MSRA: variants seen among roughly 807,000 people sequenced by gnomAD.
MSRA encodes mitochondrial peptide methionine sulfoxide reductase.
In MSRA, 54 loss-of-function variants were observed where a neutral mutation model predicts 31.3. That is an observed-to-expected ratio of 1.73 (90% CI 1.39 to 2.17). The LOEUF is 2.17. Ranked by LOEUF, MSRA falls within the 30% of genes most tolerant of loss-of-function variation. The pLI is 0.00. For synonymous variants in MSRA, 169 were observed against 116.5 expected, an observed-to-expected ratio of 1.45 and a Z score of -2.90; for missense variants, 507 against 300.9, an observed-to-expected ratio of 1.69 and a Z score of -5.07.
chr8:10,265,133 A>G (rs1798679092), intron 3 of MSRA, among the ~76,000 whole-genome samples: 1 of 152,232 alleles, frequency 6.6e-6, no homozygotes, highest in African/African-American at 2.4e-5. Context: ...GTGTTTTACC[A>G]AATTATGTCC....
At chr8:10,093,838 T>A (rs571457246) in intron 1 of MSRA, among the ~76,000 whole-genome samples, 1 of 152,340 alleles carries the variant, frequency 6.6e-6, no homozygotes, top group Non-Finnish European at 1.5e-5. Context: ...ATTTGGAATG[T>A]CTTAATGTCT....
At chr8:10,156,370 C>G (rs1428828693) in intron 1 of MSRA, among the ~76,000 whole-genome samples, 1 of 151,970 alleles carries the variant, frequency 6.6e-6, no homozygotes, top group Non-Finnish European at 1.5e-5. Flanking sequence ...TTTTGGATTA[C>G]TTAGGGTGAA....
intron 5 of MSRA, among the ~76,000 whole-genome samples, chr8:10,415,172 C>T (rs771686607): frequency 6.6e-6 from 1 of 152,186 alleles, no homozygotes. Flanking sequence ...CAGGAGGGTG[C>T]AGCTTAGACC....
chr8:10,427,283 C>G (rs1403164659), intron 5 of MSRA, among the ~76,000 whole-genome samples: 1 of 152,328 alleles, frequency 6.6e-6, no homozygotes, highest in East Asian at 1.9e-4. Context: ...TAGGGCACAG[C>G]TGAAATCCAA....
intron 2 of MSRA, among the ~76,000 whole-genome samples, chr8:10,230,811 T>G (rs2129072935): frequency 6.6e-6 from 1 of 152,158 alleles, no homozygotes; most frequent in East Asian, 1.9e-4. Context: ...TGAGATGGAG[T>G]TTTGCTCTCG....
chr8:10,268,516 A>G (rs1265374386), intron 3 of MSRA, among the ~76,000 whole-genome samples: 2 of 152,200 alleles, frequency 1.3e-5, no homozygotes, highest in Non-Finnish European at 2.9e-5. Flanking sequence ...GACACTAATG[A>G]TTTGTTTCCC....
At chr8:10,198,679 A>G (rs899346728) in intron 1 of MSRA, among the ~76,000 whole-genome samples, 2 of 152,176 alleles carry the variant, frequency 1.3e-5, no homozygotes, top group African/African-American at 2.4e-5. Context: ...GCTGGAGTGC[A>G]ATGGGACAGT....
chr8:10,241,564 A>G (rs981520892), intron 2 of MSRA, among the ~76,000 whole-genome samples: 6 of 152,336 alleles, frequency 3.9e-5, no homozygotes, highest in Middle Eastern at 3.4e-3. Flanking sequence ...ACTGAGTAAC[A>G]AAGTAGTAGC....
At chr8:10,404,825 C>T (rs1014915645) in intron 5 of MSRA, among the ~76,000 whole-genome samples, 1 of 152,178 alleles carries the variant, frequency 6.6e-6, no homozygotes, top group African/African-American at 2.4e-5. Flanking sequence ...GCCGCCAGAC[C>T]ATGGATGTGG....
chr8:10,109,712 A>C (rs1381886430), intron 1 of MSRA, among the ~76,000 whole-genome samples: 1 of 152,200 alleles, frequency 6.6e-6, no homozygotes, highest in African/African-American at 2.4e-5. Context: ...GTTTTTGAAG[A>C]AACTTTATTT....
chr8:10,159,086 C>T (rs904024305), intron 1 of MSRA, among the ~76,000 whole-genome samples: 2 of 152,148 alleles, frequency 1.3e-5, no homozygotes, highest in African/African-American at 2.4e-5. Flanking sequence ...TTACCAGATA[C>T]CAGATGATGG....
At chr8:10,070,810 C>G (rs906316438) in intron 1 of MSRA, among the ~76,000 whole-genome samples, 1 of 152,176 alleles carries the variant, frequency 6.6e-6, no homozygotes, top group South Asian at 2.1e-4. Context: ...GAGATTCACC[C>G]CAGTTGGTTA....
intron 1 of MSRA, among the ~76,000 whole-genome samples, chr8:10,122,920 T>A (rs1243840934): frequency 6.6e-6 from 1 of 152,262 alleles, no homozygotes; most frequent in Non-Finnish European, 1.5e-5. Flanking sequence ...CCACATTTTC[T>A]TTTTACATTC....
chr8:10,128,945 C>G (rs1233709395), intron 1 of MSRA, among the ~76,000 whole-genome samples: 1 of 152,194 alleles, frequency 6.6e-6, no homozygotes, highest in Non-Finnish European at 1.5e-5. Flanking sequence ...TAAACTTGTA[C>G]ATGCCTTTAC....
At chr8:10,386,973 A>T (rs1276964261) in intron 5 of MSRA, among the ~76,000 whole-genome samples, 1 of 152,050 alleles carries the variant, frequency 6.6e-6, no homozygotes, top group African/African-American at 2.4e-5. Flanking sequence ...AGTGCCTGTC[A>T]AATATTGATG....
chr8:10,250,023 T>G (rs763755332), intron 3 of MSRA, among the ~76,000 whole-genome samples: 1 of 152,220 alleles, frequency 6.6e-6, no homozygotes, highest in Non-Finnish European at 1.5e-5. Flanking sequence ...CTAGTTCCTG[T>G]CTTCCAGAAT....
At chr8:10,169,093 T>G (rs1016964181) in intron 1 of MSRA, among the ~76,000 whole-genome samples, 1 of 152,218 alleles carries the variant, frequency 6.6e-6, no homozygotes, top group African/African-American at 2.4e-5. Context: ...CTTTTCCAAA[T>G]TCTCAAGTTG....
chr8:10,375,775 CTT>C (rs1255099521), intron 5 of MSRA, among the ~76,000 whole-genome samples: 1 of 152,238 alleles, frequency 6.6e-6, no homozygotes, highest in Non-Finnish European at 1.5e-5. Flanking sequence ...GTGGTCGAGA[CTT>C]TACACAAATG....
At chr8:10,316,519 T>G (rs1037442276) in intron 4 of MSRA, among the ~76,000 whole-genome samples, 2 of 146,634 alleles carry the variant, frequency 1.4e-5, no homozygotes, top group African/African-American at 5.1e-5. Context: ...TTAGCTACTT[T>G]GATGATCCCT....
Sources: allele counts gnomAD v4.1 joint callset (sites outside exome capture counted in the v4.1 genomes callset), GRCh38; gene constraint gnomAD v4.1.1; transcripts MANE v1.5; gene names NCBI Gene and HGNC (gene_info 2026-07-23, HGNC 2026-07-21).